The following CDKL3 variants were observed in gnomAD, a reference collection of about 807,000 sequenced individuals.
The protein encoded by CDKL3 is cyclin-dependent kinase-like 3.
A neutral mutation model predicts 69.3 loss-of-function variants in CDKL3; 65 were observed. That is an observed-to-expected ratio of 0.94 (90% CI 0.77 to 1.15). The LOEUF (loss-of-function observed/expected upper bound fraction) is 1.15. CDKL3 is among the 50% of genes most tolerant of loss of function. CDKL3 has a pLI of 0.00. For synonymous variants in CDKL3, 202 were observed against 221.6 expected, an observed-to-expected ratio of 0.91 and a Z score of 0.79; for missense variants, 652 against 689.2, an observed-to-expected ratio of 0.95 and a Z score of 0.61.
At chr5:134,360,176 C>G in intron 2 of CDKL3, 85 bp from the exon 3 acceptor site, 1 of 901,430 alleles carries the variant, frequency 1.1e-6, no homozygotes, top group Non-Finnish European at 1.7e-6. Context: ...TGTAAAGAAA[C>G]AGTCATATTC....
At chr5:134,330,457 G>A (rs188051415) in intron 4 of CDKL3, among the ~76,000 whole-genome samples, 1 of 152,308 alleles carries the variant, frequency 6.6e-6, no homozygotes, top group East Asian at 1.9e-4. Flanking sequence ...GCTCATGCCT[G>A]TAATCTCAAC....
chr5:134,354,819 T>A (rs761425443), intron 3 of CDKL3, among the ~76,000 whole-genome samples: 1 of 151,944 alleles, frequency 6.6e-6, no homozygotes, highest in Non-Finnish European at 1.5e-5. Context: ...TGGTGGCATG[T>A]GCCTATAGTC....
At chr5:134,286,053 C>G (rs1482906515), downstream of CDKL3, among the ~76,000 whole-genome samples, 1 of 152,254 alleles carries the variant, frequency 6.6e-6, no homozygotes, top group Admixed American at 6.5e-5. Flanking sequence ...ACCCAGTAGG[C>G]ACAGGTTGCA....
downstream of CDKL3, among the ~76,000 whole-genome samples, chr5:134,295,954 T>C (rs1048836904): frequency 1.3e-5 from 2 of 152,168 alleles, no homozygotes; most frequent in African/African-American, 4.8e-5. Context: ...TGGAGTGCAG[T>C]GGCACAATCT....
At chr5:134,329,333 G>C (rs1374652687) in intron 4 of CDKL3, among the ~76,000 whole-genome samples, 2 of 151,718 alleles carry the variant, frequency 1.3e-5, no homozygotes, top group African/African-American at 4.8e-5. Flanking sequence ...GTGAGATCCT[G>C]TCTCAAAAAA....
In CDKL3 at chr5:134,326,817, GTATATATATATATA is replaced by G. The variant is rs1164800558; in HGVS notation, c.540-4928_540-4915del. Among the ~76,000 whole-genome samples the G allele has an allele frequency of 6.2e-3, 746 of 120,308 alleles. 21 individuals carry two copies. Among genetic ancestry groups the G allele is most frequent in the African/African-American group, 0.025 (699 of 27,896 alleles). The allele number at this position is 120,308 out of a possible 152,430, so 78.9% of individuals were successfully genotyped here. On this transcript the variant is annotated intron_variant, in intron 4 of 12. Coordinates refer to ENST00000265334, the MANE Select transcript of CDKL3 (RefSeq NM_001113575.2). ...TGTGTGTATATATATATATGTGTGT[GTATATATATATATA>G]TATATATATATATATATATATATAT...
At chr5:134,371,216 G>A (rs1758368141), upstream of CDKL3, 1 of 293,864 alleles carries the variant, frequency 3.4e-6, no homozygotes, top group South Asian at 3.4e-5. Flanking sequence ...CTAAACTAGT[G>A]ACGGGGAGGG....
intron 6 of CDKL3, 28 bp downstream of exon 6, chr5:134,319,330 C>CG: frequency 4.1e-6 from 6 of 1,474,584 alleles, no homozygotes; most frequent in Non-Finnish European, 5.4e-6. Flanking sequence ...ACTCTGTCTC[C>CG]GGGGGAGGAA....
intron 4 of CDKL3, among the ~76,000 whole-genome samples, chr5:134,339,102 T>A (rs937162496): frequency 6.7e-6 from 1 of 149,846 alleles, no homozygotes; most frequent in Non-Finnish European, 1.5e-5. Context: ...TGTAGTGAGG[T>A]AGTGAGCCAA....
intron 4 of CDKL3, among the ~76,000 whole-genome samples, chr5:134,335,860 G>A (rs528755303): frequency 3.9e-5 from 6 of 152,168 alleles, no homozygotes; most frequent in Admixed American, 6.5e-5. Context: ...AAATTTGAAC[G>A]TTGGCCTGCC....
chr5:134,322,574 C>T (rs1773080529), intron 4 of CDKL3, among the ~76,000 whole-genome samples: 1 of 152,134 alleles, frequency 6.6e-6, no homozygotes, highest in Non-Finnish European at 1.5e-5. Context: ...AATTTCACTG[C>T]AGCACTGTTC....
In CDKL3 at chr5:134,339,205, G is replaced by A. The variant is rs147124251; in HGVS notation, c.539+11044C>T. 9.0e-3 allele frequency among the ~76,000 whole-genome samples: 1,372 copies of A among 152,036 alleles called. 15 individuals are homozygous for A. Among genetic ancestry groups the A allele is most frequent in the South Asian group, 0.016 (78 of 4,802 alleles). On this transcript the variant is annotated intron_variant, in intron 4 of 12. Transcript: ENST00000265334. Reference sequence around the variant, plus strand: ...AATAAAAATAATAATGGCATTAAACGTTAACAGATTAACCAATCCAGCAAA... The same window carrying A: ...AATAAAAATAATAATGGCATTAAACATTAACAGATTAACCAATCCAGCAAA...
At chr5:134,350,796 AGAG>A (rs1235487171) in intron 3 of CDKL3, among the ~76,000 whole-genome samples, 7 of 151,064 alleles carry the variant, frequency 4.6e-5, no homozygotes, top group Non-Finnish European at 7.4e-5. Flanking sequence ...CCTGGGTAAC[AGAG>A]TGAGACCCTG....
At chr5:134,293,002 CTTTTTTTTTTTTTTTTTTTTTTTT>C (rs558156596) in intron 8 of CDKL3, among the ~76,000 whole-genome samples, 1 of 43,878 alleles carries the variant, frequency 2.3e-5, no homozygotes, top group East Asian at 1.0e-3. Flanking sequence ...CTGCCAATTT[CTTTTTTTTTTTTTTTTTTTTTTTT>C]TTTTTTTTTT....
At chr5:134,367,191 G>C, upstream of CDKL3, 1 of 985,628 alleles carries the variant, frequency 1.0e-6, no homozygotes, top group Non-Finnish European at 1.2e-6. Flanking sequence ...CGCAAGACCG[G>C]AACATGGGCA....
intron 11 of CDKL3, among the ~76,000 whole-genome samples, chr5:134,303,025 C>T (rs563037357): frequency 1.1e-4 from 17 of 151,878 alleles, no homozygotes; most frequent in Non-Finnish European, 2.4e-4. Context: ...TGTCACTGTT[C>T]TTCAAAGAAA....
intron 4 of CDKL3, among the ~76,000 whole-genome samples, chr5:134,338,407 A>G (rs1035683637): frequency 3.9e-5 from 6 of 152,138 alleles, no homozygotes; most frequent in African/African-American, 1.4e-4. Context: ...AATATAGTAA[A>G]GGCCAGGTGT....
Position 134,367,092 on chromosome 5 carries a change from C to T in CDKL3, c.-137G>A. The T allele has an allele frequency of 1.0e-6, 1 of 986,430 alleles. No homozygotes were observed. The highest frequency in any genetic ancestry group is 1.2e-6 in the Non-Finnish European group (1 of 830,636). 61.1% of individuals were successfully genotyped at this position (986,430 alleles called of 1,614,324 possible). ...GTAGTTCCAGTGGAGCCACCGAACA[C>T]TGATACTACTTTGTTGCTCAGCCCC... On this transcript the variant is annotated 5_prime_UTR_variant, in exon 1 of 13. The change creates a new upstream start codon in the 5' untranslated region. Transcript: ENST00000265334.
At chr5:134,312,813 A>G (rs1769935982) in intron 6 of CDKL3, among the ~76,000 whole-genome samples, 1 of 152,228 alleles carries the variant, frequency 6.6e-6, no homozygotes, top group Admixed American at 6.5e-5. Flanking sequence ...TCTATATCAT[A>G]ATACCATTTT....
Sources: allele counts gnomAD v4.1 joint callset (sites outside exome capture counted in the v4.1 genomes callset), GRCh38; gene constraint gnomAD v4.1.1; transcripts MANE v1.5; gene names NCBI Gene and HGNC (gene_info 2026-07-23, HGNC 2026-07-21).